Variants in GPHN observed in about 807,000 individuals in gnomAD.
GPHN encodes gephyrin.
Under a neutral mutation model 95.5 loss-of-function variants are expected in GPHN, and 17 were observed. The observed-to-expected ratio is 0.18, with a 90% CI of 0.12 to 0.27. The LOEUF is 0.27. GPHN is among the 10% of genes least tolerant of loss of function. GPHN has a pLI of 1.00. For synonymous variants in GPHN, 320 were observed against 322.5 expected, an observed-to-expected ratio of 0.99 and a Z score of 0.08; for missense variants, 660 against 978.1, an observed-to-expected ratio of 0.67 and a Z score of 4.34.
intron 5 of GPHN, among the ~76,000 whole-genome samples, chr14:66,884,800 G>C (rs918336848): frequency 1.4e-5 from 2 of 140,812 alleles, no homozygotes; most frequent in Non-Finnish European, 3.1e-5. Context: ...ATATGTGTGT[G>C]TGTGTGTATG....
intron 3 of GPHN, among the ~76,000 whole-genome samples, chr14:66,800,315 G>A (rs1334812077): frequency 6.6e-6 from 1 of 152,068 alleles, no homozygotes; most frequent in South Asian, 2.1e-4. Context: ...GTACCTTCAG[G>A]TGATTACTTA....
At chr14:67,691,108 C>T in the GPHN span, 5 of 1,495,192 alleles carry the variant, frequency 3.3e-6, no homozygotes, top group Admixed American at 8.4e-5. Flanking sequence ...TTTTGGGTCT[C>T]TCTAGCTTTG....
chr14:67,045,823 C>T (rs564288705), intron 10 of GPHN, among the ~76,000 whole-genome samples: 1 of 151,620 alleles, frequency 6.6e-6, no homozygotes, highest in East Asian at 1.9e-4. Context: ...GTGTGTGTGT[C>T]TCTCTCTCTG....
intron 7 of GPHN, among the ~76,000 whole-genome samples, chr14:66,923,667 A>G (rs533961149): frequency 5.2e-4 from 79 of 152,304 alleles, no homozygotes; most frequent in Non-Finnish European, 1.1e-3. Flanking sequence ...ATCTACAGAA[A>G]GTAGCATATC....
the GPHN span, chr14:67,586,499 C>G: frequency 3.0e-6 from 3 of 991,700 alleles, no homozygotes; most frequent in Non-Finnish European, 2.8e-6. Context: ...CCAACATTAG[C>G]TACAAAGTGG....
At chr14:67,288,082 C>T in the GPHN span, among the ~76,000 whole-genome samples, 3 of 151,842 alleles carry the variant, frequency 2.0e-5, no homozygotes, top group Non-Finnish European at 4.4e-5. Flanking sequence ...CTGGGGTCTC[C>T]CTTTTTTTTT....
the GPHN span, chr14:67,200,228 A>G: frequency 9.0e-6 from 9 of 1,004,604 alleles, no homozygotes; most frequent in African/African-American, 1.5e-4. Context: ...GCCCTCCACA[A>G]CCCACACCCT....
At chr14:66,956,474 TG>T (rs1432753101) in intron 8 of GPHN, among the ~76,000 whole-genome samples, 3 of 152,038 alleles carry the variant, frequency 2.0e-5, no homozygotes, top group Non-Finnish European at 4.4e-5. Flanking sequence ...ACTTCCACAA[TG>T]GTTGAACTAG....
chr14:67,658,788 C>T, the GPHN span, among the ~76,000 whole-genome samples: 9 of 152,128 alleles, frequency 5.9e-5, no homozygotes, highest in South Asian at 4.1e-4. Context: ...TAATCCCTCG[C>T]GCATCCATTT....
At chr14:67,572,403 C>A in the GPHN span, 8 of 337,444 alleles carry the variant, frequency 2.4e-5, no homozygotes, top group South Asian at 1.8e-4. Context: ...GGGATGGGGG[C>A]AGGGGGCGTG....
chr14:67,126,951 A>G (rs971862086), intron 17 of GPHN, among the ~76,000 whole-genome samples: 8 of 152,122 alleles, frequency 5.3e-5, no homozygotes, highest in African/African-American at 7.2e-5. Flanking sequence ...TTGTAGGGAC[A>G]TGGATGAAAT....
the GPHN span, chr14:67,579,361 C>G: frequency 7.3e-7 from 1 of 1,374,908 alleles, no homozygotes; most frequent in Non-Finnish European, 9.7e-7. Flanking sequence ...CGTCACCATC[C>G]AGAGAATACC....
chr14:66,603,864 C>T (rs894631864), intron 1 of GPHN, among the ~76,000 whole-genome samples: 29 of 151,872 alleles, frequency 1.9e-4, no homozygotes, highest in African/African-American at 6.8e-4. Flanking sequence ...ACTGATATTT[C>T]TTCACATTTA....
chr14:66,743,987 T>C (rs1386709168), intron 2 of GPHN, among the ~76,000 whole-genome samples: 2 of 152,162 alleles, frequency 1.3e-5, no homozygotes, highest in Non-Finnish European at 2.9e-5. Flanking sequence ...AAACCTGTTA[T>C]TTACACTACT....
the GPHN span, among the ~76,000 whole-genome samples, chr14:67,356,857 T>C: frequency 1.3e-5 from 2 of 152,318 alleles, no homozygotes; most frequent in East Asian, 1.9e-4. Flanking sequence ...GCATTTAACA[T>C]AATGTATTGT....
intron 2 of GPHN, among the ~76,000 whole-genome samples, chr14:66,755,937 A>C (rs1008850523): frequency 1.1e-4 from 17 of 152,166 alleles, no homozygotes; most frequent in Admixed American, 5.2e-4. Flanking sequence ...GACTTTCAAG[A>C]GTTTTCTCCT....
At chr14:66,820,849 T>C (rs1002643012) in intron 3 of GPHN, among the ~76,000 whole-genome samples, 1 of 152,186 alleles carries the variant, frequency 6.6e-6, no homozygotes, top group African/African-American at 2.4e-5. Flanking sequence ...TTTACTCTTT[T>C]ATGTTGATTT....
At chr14:66,597,199 G>A (rs994713333) in intron 1 of GPHN, among the ~76,000 whole-genome samples, 2 of 152,142 alleles carry the variant, frequency 1.3e-5, no homozygotes, top group African/African-American at 2.4e-5. Context: ...GAGACAAACC[G>A]GGTTATTGGA....
chr14:67,335,238 T>C, the GPHN span: 5 of 152,222 alleles, frequency 3.3e-5, no homozygotes. Context: ...TGTGCTGATA[T>C]TCAACATAGT....
Sources: gnomAD v4.1 joint callset for allele counts (sites outside exome capture counted in the v4.1 genomes callset) on GRCh38, gnomAD v4.1.1 for gene constraint, MANE v1.5 for transcripts, NCBI Gene and HGNC (gene_info 2026-07-23, HGNC 2026-07-21) for gene names.